Variants in ANKS1B observed in about 807,000 individuals in gnomAD.
The protein encoded by ANKS1B is ankyrin repeat and sterile alpha motif domain-containing protein 1B.
A neutral mutation model predicts 148.3 loss-of-function variants in ANKS1B; 36 were observed. That is an observed-to-expected ratio of 0.24 (90% CI 0.19 to 0.32). ANKS1B has a LOEUF of 0.32. ANKS1B is among the 10% of genes least tolerant of loss of function. The pLI is 1.00. For synonymous variants in ANKS1B, 542 were observed against 560.8 expected (o/e 0.97, Z 0.47); for missense variants, 1,157 against 1,542.6 (o/e 0.75, Z 4.19).
At chr12:98,813,432 GT>G (rs2153635872) in intron 19 of ANKS1B, among the ~76,000 whole-genome samples, 1 of 151,038 alleles carries the variant, frequency 6.6e-6, no homozygotes, top group African/African-American at 2.4e-5. Context: ...GCCCAGGCTG[GT>G]CTTGAACTCC....
At chr12:99,058,489 T>C (rs895026447) in intron 16 of ANKS1B, among the ~76,000 whole-genome samples, 2 of 151,908 alleles carry the variant, frequency 1.3e-5, no homozygotes, top group Non-Finnish European at 2.9e-5. Flanking sequence ...GCTCAAGCGA[T>C]CTGCCTGCCT....
intron 1 of ANKS1B, among the ~76,000 whole-genome samples, chr12:99,896,472 C>T (rs768687277): frequency 6.6e-6 from 1 of 151,304 alleles, no homozygotes; most frequent in African/African-American, 2.4e-5. Context: ...AATAGAGACA[C>T]CACAATTTCT....
At chr12:99,412,715 A>G (rs1037415988) in intron 11 of ANKS1B, among the ~76,000 whole-genome samples, 1 of 152,170 alleles carries the variant, frequency 6.6e-6, no homozygotes, top group Non-Finnish European at 1.5e-5. Context: ...AGTAAGGAGG[A>G]GGAAAATGTA....
In ANKS1B at chr12:99,139,444, CTT is replaced by C. The variant is rs1178652625; in HGVS notation, c.2526+14843_2526+14844del. ...TTTCTTTCTTTCTTTCTTTCTTTTT[CTT>C]TCTTTCTTTCTTTCAAGATAGGAGT... On this transcript the variant is annotated intron_variant, in intron 15 of 26. Transcript: ENST00000683438. 5.4e-5 allele frequency among the ~76,000 whole-genome samples: 3 copies of C among 55,750 alleles called. 1 individual carries two copies. Among genetic ancestry groups the C allele is most frequent in the African/African-American group, 2.4e-4 (3 of 12,512 alleles). The allele number at this position is 55,750 out of a possible 152,430, so 36.6% of individuals were successfully genotyped here. A position where few individuals can be genotyped will look rare whatever the true frequency, so the allele number is the denominator to read the frequency against.
chr12:99,783,764 T>C lies in ANKS1B; in HGVS notation c.670-1667A>G, dbSNP rs546221914. On this transcript the variant is annotated intron_variant, in intron 4 of 26. Coordinates refer to ENST00000683438, the MANE Select transcript of ANKS1B (RefSeq NM_001352186.2). ...GAGGAGGATAGGGAGAGGTTGGTGA[T>C]TGACTGCGAAATTACAGCTATATAG... Among the ~76,000 whole-genome samples the C allele has an allele frequency of 3.3e-5, 5 of 152,194 alleles. No individual in the cohort carries two copies. The East Asian group carries it at 5.8e-4, about 18-fold the overall frequency.
chr12:99,210,226 C>T (rs1247820327), intron 14 of ANKS1B, among the ~76,000 whole-genome samples: 1 of 152,144 alleles, frequency 6.6e-6, no homozygotes, highest in Non-Finnish European at 1.5e-5. Flanking sequence ...TATTTATTCT[C>T]CAAAATAAAC....
chr12:99,215,045 G>A (rs186963069), intron 14 of ANKS1B, among the ~76,000 whole-genome samples: 1 of 152,294 alleles, frequency 6.6e-6, no homozygotes, highest in East Asian at 1.9e-4. Flanking sequence ...TTCAAGAGGT[G>A]ACTTTGGAGC....
chr12:99,671,888 G>C (rs925707396), intron 8 of ANKS1B, among the ~76,000 whole-genome samples: 1 of 151,782 alleles, frequency 6.6e-6, no homozygotes, highest in East Asian at 1.9e-4. Context: ...ATTAATTAAC[G>C]CTAGCCAAAG....
intron 1 of ANKS1B, among the ~76,000 whole-genome samples, chr12:99,835,756 G>A (rs957103268): frequency 6.6e-6 from 1 of 151,882 alleles, no homozygotes; most frequent in Non-Finnish European, 1.5e-5. Flanking sequence ...ATTCCAAGGG[G>A]AAAAAAGAAA....
chr12:99,930,273 G>C (rs1381755798), intron 1 of ANKS1B, among the ~76,000 whole-genome samples: 1 of 151,890 alleles, frequency 6.6e-6, no homozygotes, highest in African/African-American at 2.4e-5. Context: ...GTGAATGGGA[G>C]TTCACTCATG....
At chr12:99,799,678 G>C (rs1214651081) in intron 4 of ANKS1B, among the ~76,000 whole-genome samples, 10 of 151,610 alleles carry the variant, frequency 6.6e-5, no homozygotes, top group African/African-American at 1.9e-4. Context: ...GTAAGTAAAG[G>C]AAGGCCTCAC....
intron 14 of ANKS1B, among the ~76,000 whole-genome samples, chr12:99,174,354 T>C (rs2078129167): frequency 1.3e-5 from 2 of 152,246 alleles, no homozygotes; most frequent in African/African-American, 4.8e-5. Flanking sequence ...AGTTAAGCCA[T>C]GTCTAGATTC....
chr12:99,609,008 G>A (rs1598040036), intron 9 of ANKS1B, among the ~76,000 whole-genome samples: 2 of 152,036 alleles, frequency 1.3e-5, no homozygotes, highest in South Asian at 2.1e-4. Flanking sequence ...TCACCAAAAA[G>A]GCCAATAAAG....
intron 17 of ANKS1B, among the ~76,000 whole-genome samples, chr12:98,882,216 T>C (rs2099709779): frequency 6.6e-6 from 1 of 152,168 alleles, no homozygotes; most frequent in Admixed American, 6.5e-5. Flanking sequence ...CCAATGTTTT[T>C]AAACAAGAAT....
At chr12:99,216,673 T>C (rs2084250795) in intron 14 of ANKS1B, among the ~76,000 whole-genome samples, 1 of 152,182 alleles carries the variant, frequency 6.6e-6, no homozygotes, top group African/African-American at 2.4e-5. Context: ...TCCCCTTAAA[T>C]ATTGGTGAAA....
intron 9 of ANKS1B, among the ~76,000 whole-genome samples, chr12:99,568,786 A>T (rs778580303): frequency 1.3e-5 from 2 of 152,242 alleles, no homozygotes; most frequent in Non-Finnish European, 2.9e-5. Flanking sequence ...AAGTAAAAGT[A>T]GGTATCATAA....
intron 8 of ANKS1B, among the ~76,000 whole-genome samples, chr12:99,732,775 T>C (rs529358868): frequency 2.0e-5 from 3 of 152,210 alleles, no homozygotes; most frequent in Non-Finnish European, 4.4e-5. Context: ...AGAAGCAATG[T>C]ATTAAATAGT....
chr12:99,394,800 T>C (rs2094191152), intron 12 of ANKS1B, among the ~76,000 whole-genome samples: 1 of 152,190 alleles, frequency 6.6e-6, no homozygotes, highest in Non-Finnish European at 1.5e-5. Flanking sequence ...ATCATCTGTA[T>C]AATGACGACG....
chr12:99,089,268 C>T (rs1358639441), intron 15 of ANKS1B, among the ~76,000 whole-genome samples: 1 of 152,104 alleles, frequency 6.6e-6, no homozygotes. Context: ...CACTCTCAAT[C>T]TCCTTTCCTA....
Sources: gnomAD v4.1 joint callset for allele counts (sites outside exome capture counted in the v4.1 genomes callset) on GRCh38, gnomAD v4.1.1 for gene constraint, MANE v1.5 for transcripts, NCBI Gene and HGNC (gene_info 2026-07-23, HGNC 2026-07-21) for gene names.